ZNF454: variants seen among roughly 807,000 people sequenced by gnomAD.
The protein encoded by ZNF454 is zinc finger protein 454.
Under a neutral mutation model 48.2 loss-of-function variants are expected in ZNF454, and 30 were observed. The ratio of observed to expected loss-of-function variants is 0.62; its 90% confidence interval spans 0.47 to 0.84. ZNF454 has a LOEUF of 0.84. ZNF454 is among the 40% of genes least tolerant of loss of function. ZNF454 has a pLI of 0.00. For missense variants in ZNF454, 510 were observed against 623.1 expected (o/e 0.82, Z 1.93); for synonymous variants, 204 against 211.4 (o/e 0.97, Z 0.30).
downstream of ZNF454, among the ~76,000 whole-genome samples, chr5:178,967,742 C>T (rs77391776): frequency 2.2e-4 from 28 of 129,486 alleles, no homozygotes; most frequent in South Asian, 5.1e-4. Context: ...TTTTCTTTTT[C>T]TTTTTTTTTT....
chr5:178,988,937 T>C, the ZNF454 span: 1 of 1,612,244 alleles, frequency 6.2e-7, no homozygotes. This position sits in a 1 kb window ranked among gnomAD's most constrained non-coding sequence, Gnocchi z 6.0. Context: ...CCACTCACCA[T>C]TGAAGCGGAC....
chr5:178,985,712 A>AC, the ZNF454 span: 1 of 414,598 alleles, frequency 2.4e-6, no homozygotes. Context: ...AAAAAAAAAA[A>AC]AACAAAACAA....
chr5:178,972,775 A>C, the ZNF454 span, among the ~76,000 whole-genome samples: 1 of 152,070 alleles, frequency 6.6e-6, no homozygotes, highest in African/African-American at 2.4e-5. Context: ...AACCAGGAGC[A>C]GGGGGAAGAT....
the ZNF454 span, chr5:178,985,386 C>T: frequency 4.3e-5 from 16 of 375,172 alleles, no homozygotes; most frequent in Admixed American, 3.4e-4. Flanking sequence ...AGGGGAGGGG[C>T]TCCATTTCCT....
the ZNF454 span, chr5:178,980,592 G>A: frequency 0.036 from 5,544 of 154,180 alleles, 182 homozygotes; most frequent in East Asian, 0.15. The surrounding 1 kb of genome is among the most constrained non-coding windows in gnomAD (Gnocchi z 4.3). Context: ...CATTACACAC[G>A]TGTATCTGAA....
At chr5:178,970,455 T>A (rs913913037), downstream of ZNF454, among the ~76,000 whole-genome samples, 1 of 152,210 alleles carries the variant, frequency 6.6e-6, no homozygotes, top group African/African-American at 2.4e-5. Flanking sequence ...CTCTCGGCGG[T>A]GCTGATGGTC....
intron 4 of ZNF454, among the ~76,000 whole-genome samples, chr5:178,961,363 T>C (rs1760009077): frequency 6.6e-6 from 1 of 151,776 alleles, no homozygotes; most frequent in Admixed American, 6.6e-5. Flanking sequence ...TTCTATTGGA[T>C]TAAATACTTT....
At chr5:178,987,694 T>C in the ZNF454 span, among the ~76,000 whole-genome samples, 1 of 152,114 alleles carries the variant, frequency 6.6e-6, no homozygotes, top group Non-Finnish European at 1.5e-5. Context: ...TACAGAGTTA[T>C]GGTTTCATAG....
the ZNF454 span, among the ~76,000 whole-genome samples, chr5:178,971,850 GA>G: frequency 2.8e-5 from 4 of 141,508 alleles, no homozygotes; most frequent in Non-Finnish European, 3.0e-5. Context: ...GACTCCATCT[GA>G]AAAAAAAAAA....
chr5:178,955,609 A>G (rs4700971), intron 4 of ZNF454, among the ~76,000 whole-genome samples: 85,954 of 152,010 alleles, frequency 0.57, 24,809 homozygotes, highest in Non-Finnish European at 0.62. Flanking sequence ...TTGCATTGAT[A>G]TTCATGAGTG....
At chr5:178,985,518 A>G in the ZNF454 span, 17 of 339,618 alleles carry the variant, frequency 5.0e-5, no homozygotes, top group Non-Finnish European at 7.5e-5. Flanking sequence ...CCTGGCTAAC[A>G]CGGTGAAGCC....
downstream of ZNF454, among the ~76,000 whole-genome samples, chr5:178,968,188 C>G (rs537431361): frequency 1.3e-5 from 2 of 151,506 alleles, no homozygotes; most frequent in Non-Finnish European, 2.9e-5. Flanking sequence ...AATGGAGGAG[C>G]CTTCACTACT....
chr5:178,950,636 A>G (rs957192458), intron 4 of ZNF454, among the ~76,000 whole-genome samples: 1 of 152,200 alleles, frequency 6.6e-6, no homozygotes, highest in Non-Finnish European at 1.5e-5. Context: ...AATACCTTTT[A>G]TAATTTCTTC....
intron 4 of ZNF454, among the ~76,000 whole-genome samples, chr5:178,958,231 C>T (rs1037228880): frequency 1.3e-5 from 2 of 152,154 alleles, no homozygotes; most frequent in African/African-American, 4.8e-5. Flanking sequence ...AGAAATAGAA[C>T]GTTACCAGCA....
At chr5:178,947,711 G>A (rs530972233) in intron 4 of ZNF454, among the ~76,000 whole-genome samples, 1 of 152,166 alleles carries the variant, frequency 6.6e-6, no homozygotes, top group East Asian at 1.9e-4. Context: ...CCCAGTATTC[G>A]AGAGAGCTTG....
At chr5:178,970,143 G>A (rs908993022), downstream of ZNF454, among the ~76,000 whole-genome samples, 6 of 152,194 alleles carry the variant, frequency 3.9e-5, no homozygotes, top group African/African-American at 1.4e-4. Context: ...TAAACTGAGT[G>A]CTTTTGATGG....
intron 4 of ZNF454, among the ~76,000 whole-genome samples, chr5:178,949,537 A>C (rs368229226): frequency 1.3e-5 from 2 of 152,128 alleles, no homozygotes; most frequent in South Asian, 4.2e-4. Context: ...TCAGTTTCTA[A>C]TTCATGTTCA....
At chr5:178,986,978 C>T in the ZNF454 span, 12 of 1,613,422 alleles carry the variant, frequency 7.4e-6, no homozygotes, top group South Asian at 4.4e-5. Flanking sequence ...GGGGTTCCTG[C>T]GCTGCCTGGA....
the ZNF454 span, among the ~76,000 whole-genome samples, chr5:178,973,018 C>A: frequency 1.3e-5 from 2 of 151,256 alleles, no homozygotes; most frequent in Non-Finnish European, 2.9e-5. Context: ...AACCCAGAGG[C>A]CTTTCTGATC....
Sources: gnomAD v4.1 joint callset for allele counts (sites outside exome capture counted in the v4.1 genomes callset) on GRCh38, gnomAD v4.1.1 for gene constraint, Gnocchi (gnomAD v3.1) non-coding constraint, MANE v1.5 for transcripts, NCBI Gene and HGNC (gene_info 2026-07-23, HGNC 2026-07-21) for gene names.